Variants in OSBPL10 observed in about 807,000 individuals in gnomAD.
The protein encoded by OSBPL10 is oxysterol-binding protein-related protein 10.
Under a neutral mutation model 81.7 loss-of-function variants are expected in OSBPL10, and 49 were observed. The observed-to-expected ratio is 0.60, with a 90% confidence interval of 0.48 to 0.76. OSBPL10 has a LOEUF of 0.76. OSBPL10 is among the 30% of genes least tolerant of loss of function. The pLI, the probability that OSBPL10 is intolerant of heterozygous loss-of-function variation, is 0.00. For missense variants in OSBPL10, 923 were observed against 987.8 expected, an observed-to-expected ratio of 0.93 and a Z score of 0.88; for synonymous variants, 419 against 383.6, an observed-to-expected ratio of 1.09 and a Z score of -1.08.
intron 1 of OSBPL10, among the ~76,000 whole-genome samples, chr3:31,942,585 T>TA (rs1252006267): frequency 1.3e-5 from 2 of 151,828 alleles, no homozygotes; most frequent in Non-Finnish European, 2.9e-5. Context: ...ACATTTTTTT[T>TA]AAATCCTCCC....
At chr3:31,889,128 A>G (rs1695819096) in intron 1 of OSBPL10, among the ~76,000 whole-genome samples, 1 of 152,200 alleles carries the variant, frequency 6.6e-6, no homozygotes, top group Non-Finnish European at 1.5e-5. Flanking sequence ...TCGCATGGCT[A>G]TTATCAAAAA....
intron 2 of OSBPL10, among the ~76,000 whole-genome samples, chr3:32,009,227 C>A (rs1699230404): frequency 6.6e-6 from 1 of 152,178 alleles, no homozygotes; most frequent in East Asian, 1.9e-4. Flanking sequence ...TTTCCAAGGC[C>A]CTGTGAAGGT....
At chr3:32,019,204 G>A (rs1427035034) in intron 2 of OSBPL10, among the ~76,000 whole-genome samples, 1 of 152,094 alleles carries the variant, frequency 6.6e-6, no homozygotes, top group Non-Finnish European at 1.5e-5. Context: ...GAGGAACAAG[G>A]GAGTGGGGGT....
chr3:31,860,485 A>G (rs1701030819), intron 3 of OSBPL10, among the ~76,000 whole-genome samples: 1 of 152,194 alleles, frequency 6.6e-6, no homozygotes, highest in Non-Finnish European at 1.5e-5. Flanking sequence ...CAAGGCAATA[A>G]AGAGACAAGG....
rs928129375 is a variant in OSBPL10 at position 31,955,467 on chromosome 3, G to A, written c.281+25432C>T. On this transcript the variant is annotated intron_variant, in intron 1 of 11. Transcript: ENST00000396556. Reference sequence around the variant, plus strand: ...GGTCAGGACTGTGCCAAAGGCTCAGGCATGGCACTGCAGCCACAGCTACCC... The same window carrying A: ...GGTCAGGACTGTGCCAAAGGCTCAGACATGGCACTGCAGCCACAGCTACCC... Among the ~76,000 whole-genome samples the A allele has an allele frequency of 4.6e-5, 7 of 152,174 alleles. No homozygotes were observed. The East Asian group carries it at 1.3e-3, about 29-fold the overall frequency.
chr3:31,742,582 T>C (rs998113635), intron 5 of OSBPL10, among the ~76,000 whole-genome samples: 5 of 152,174 alleles, frequency 3.3e-5, no homozygotes, highest in African/African-American at 1.2e-4. Context: ...CCAGTGTCCT[T>C]CCCCAAGCCT....
intron 4 of OSBPL10, among the ~76,000 whole-genome samples, chr3:31,752,149 G>A (rs942048485): frequency 2.0e-5 from 3 of 152,130 alleles, no homozygotes; most frequent in African/African-American, 7.2e-5. Flanking sequence ...CAACAAAGGA[G>A]CAAAGCCCAA....
Position 31,683,890 on chromosome 3 carries a change from G to A in OSBPL10, c.1470C>T (p.Ser490=). 6.2e-7 allele frequency: 1 copy of A among 1,614,238 alleles called. No homozygotes were observed. The highest frequency in any genetic ancestry group is 2.2e-5 in the East Asian group (1 of 44,868). The change falls in exon 8 of 12, where the codon TCC becomes TCT. Residue 490 remains serine (S), a synonymous_variant. Transcript: ENST00000396556. ...TGACCCTGTCCTTGGGAACTTCCCA[G>A]GAGCAGTGAAATGTCTCGCCTATGA... is the stretch of plus-strand genomic sequence containing the variant. ...NPIIGETFHC[S]WEVPKDRVKP...
chr3:31,955,824 C>T (rs1020966951), intron 1 of OSBPL10, among the ~76,000 whole-genome samples: 2 of 152,220 alleles, frequency 1.3e-5, no homozygotes, highest in Non-Finnish European at 2.9e-5. Flanking sequence ...TAAGCAGACA[C>T]ACTCATGCAA....
chr3:31,989,440 A>T, intron 2 of OSBPL10: 1 of 1,614,236 alleles, frequency 6.2e-7, no homozygotes, highest in East Asian at 2.2e-5. Flanking sequence ...AGAAGACAAA[A>T]GAAATAGCCA....
At chr3:31,782,217 G>A (rs1698713867) in intron 4 of OSBPL10, among the ~76,000 whole-genome samples, 1 of 152,160 alleles carries the variant, frequency 6.6e-6, no homozygotes, top group South Asian at 2.1e-4. Context: ...ATGGTGATGG[G>A]ATAATTGGCA....
chr3:31,823,684 A>C (rs1700033509), intron 4 of OSBPL10, among the ~76,000 whole-genome samples: 1 of 152,212 alleles, frequency 6.6e-6, no homozygotes, highest in Admixed American at 6.5e-5. Context: ...TGATTTCCTT[A>C]GTATATGAGT....
At chr3:31,690,500 G>A (rs2125564912) in intron 7 of OSBPL10, among the ~76,000 whole-genome samples, 1 of 152,256 alleles carries the variant, frequency 6.6e-6, no homozygotes, top group South Asian at 2.1e-4. Flanking sequence ...ATTGGAAAAT[G>A]TTCAAAATAA....
At chr3:31,708,804 T>C (rs976841838) in intron 6 of OSBPL10, 12 of 985,316 alleles carry the variant, frequency 1.2e-5, no homozygotes, top group South Asian at 4.7e-5. Context: ...TAGGCCATCT[T>C]TGTTGGGTAG....
At chr3:31,663,045 C>T (rs1179022166) in intron 11 of OSBPL10, 9 of 984,030 alleles carry the variant, frequency 9.1e-6, no homozygotes, top group Non-Finnish European at 6.0e-6. Flanking sequence ...TGGCTTCCTG[C>T]TCTTCCTGCT....
At chr3:31,992,256 C>A (rs6781919) in intron 2 of OSBPL10, among the ~76,000 whole-genome samples, 1 of 151,926 alleles carries the variant, frequency 6.6e-6, no homozygotes, top group African/African-American at 2.4e-5. Flanking sequence ...AATATAGTCA[C>A]TTGATTTTGA....
intron 1 of OSBPL10, among the ~76,000 whole-genome samples, chr3:32,061,040 C>T (rs1316067526): frequency 1.1e-5 from 1 of 89,116 alleles, no homozygotes; most frequent in African/African-American, 2.9e-5. Flanking sequence ...AATCACCCCT[C>T]TTCAGTTCCT....
intron 1 of OSBPL10, among the ~76,000 whole-genome samples, chr3:32,066,011 A>AAGAAAG (rs1559557407): frequency 3.0e-4 from 16 of 53,296 alleles, no homozygotes; most frequent in African/African-American, 6.4e-4. Flanking sequence ...AAGAAAGAGA[A>AAGAAAG]AGAAAGAAAG....
intron 2 of OSBPL10, among the ~76,000 whole-genome samples, chr3:32,010,806 G>A (rs929876695): frequency 1.3e-5 from 2 of 152,214 alleles, no homozygotes; most frequent in Admixed American, 6.5e-5. Context: ...CCCGTGCCTG[G>A]CTCAGAGGGT....
Sources: gnomAD v4.1 joint callset for allele counts (sites outside exome capture counted in the v4.1 genomes callset) on GRCh38, gnomAD v4.1.1 for gene constraint, MANE v1.5 for transcripts, NCBI Gene and HGNC (gene_info 2026-07-23, HGNC 2026-07-21) for gene names.